The following TNR variants were observed in gnomAD, a reference collection of about 807,000 sequenced individuals.
TNR encodes tenascin R.
A neutral mutation model predicts 150.4 loss-of-function variants in TNR; 45 were observed. The ratio of observed to expected loss-of-function variants is 0.30; its 90% CI spans 0.24 to 0.38. TNR has a LOEUF of 0.38. TNR is among the 10% of genes least tolerant of loss of function. TNR has a pLI of 1.00. For missense variants in TNR, 1,544 were observed against 1,759.1 expected, an observed-to-expected ratio of 0.88 and a Z score of 2.19; for synonymous variants, 687 against 678.4, an observed-to-expected ratio of 1.01 and a Z score of -0.20.
chr1:175,621,845 A>C (rs1039927491), intron 1 of TNR, among the ~76,000 whole-genome samples: 4 of 152,224 alleles, frequency 2.6e-5, no homozygotes, highest in African/African-American at 7.2e-5. Flanking sequence ...TATAAGCACC[A>C]TAGAGGCAAG....
chr1:175,631,307 A>G (rs527647635), intron 1 of TNR, among the ~76,000 whole-genome samples: 10 of 152,248 alleles, frequency 6.6e-5, no homozygotes, highest in Non-Finnish European at 1.3e-4. Context: ...GAATTGTCAA[A>G]TACATTTTGA....
At chr1:175,357,016 T>C (rs2102007184) in intron 15 of TNR, among the ~76,000 whole-genome samples, 1 of 152,372 alleles carries the variant, frequency 6.6e-6, no homozygotes, top group African/African-American at 2.4e-5. Context: ...GTTTTGGGAA[T>C]GCCATGTGAT....
At chr1:175,630,105 C>T (rs191257402) in intron 1 of TNR, among the ~76,000 whole-genome samples, 1 of 152,242 alleles carries the variant, frequency 6.6e-6, no homozygotes, top group East Asian at 1.9e-4. Context: ...GAAGTGCAGG[C>T]CCAAGTCTAG....
chr1:175,623,509 C>G (rs1468150490), intron 1 of TNR, among the ~76,000 whole-genome samples: 2 of 152,118 alleles, frequency 1.3e-5, no homozygotes, highest in Non-Finnish European at 2.9e-5. Flanking sequence ...TGACCTGGTC[C>G]CTCCTTCTTT....
At position 175,367,331 on chromosome 1, in the gene TNR, T is replaced by C. The variant is rs141565879; in HGVS notation, c.1964-34A>G. The C allele has an allele frequency of 3.3e-4, 529 of 1,586,320 alleles. No homozygotes were observed. The African/African-American group carries it at 4.8e-3, about 14-fold the overall frequency. On this transcript the variant is annotated intron_variant, in intron 9 of 22. Coordinates refer to ENST00000367674, the MANE Select transcript of TNR (RefSeq NM_003285.3). ...GGATGGAGAAACAAACATTATTCTG[T>C]GTATGGGGCAGGGCTAGGAAGGCTG... is the stretch of plus-strand genomic sequence containing the variant.
chr1:175,417,841 C>G (rs1654568657), intron 2 of TNR, among the ~76,000 whole-genome samples: 1 of 152,112 alleles, frequency 6.6e-6, no homozygotes, highest in South Asian at 2.1e-4. Flanking sequence ...ATCCTTCCAG[C>G]AGGAAGCAAA....
At chr1:175,716,455 G>C (rs1667156877) in intron 1 of TNR, among the ~76,000 whole-genome samples, 1 of 152,164 alleles carries the variant, frequency 6.6e-6, no homozygotes, top group Admixed American at 6.5e-5. Flanking sequence ...TGGCTTGTAA[G>C]TTCCTGTGTA....
chr1:175,499,389 G>A (rs181798945), intron 2 of TNR, among the ~76,000 whole-genome samples: 163 of 152,292 alleles, frequency 1.1e-3, no homozygotes, highest in South Asian at 2.5e-3. Flanking sequence ...GGCTCTCCCT[G>A]CAAGGCTGAT....
At chr1:175,668,128 G>A (rs1399038000) in intron 1 of TNR, among the ~76,000 whole-genome samples, 1 of 152,294 alleles carries the variant, frequency 6.6e-6, no homozygotes, top group South Asian at 2.1e-4. Context: ...ATGAGCTTTA[G>A]TGGGAGCAGA....
rs572527837 is a variant in TNR, at chr1:175,680,393, G to C, written c.-165+62833C>G. 4.6e-5 allele frequency among the ~76,000 whole-genome samples: 7 copies of C among 152,268 alleles called. No individual in the cohort carries two copies. In the East Asian group the frequency reaches 1.4e-3, roughly 29 times the overall value. Reference sequence around the variant, plus strand: ...TGGGGCCACTAAAGGAACAAGAGAGGGAGACAAAAGAGAAGCATGGCAGAG... The same window carrying C: ...TGGGGCCACTAAAGGAACAAGAGAGCGAGACAAAAGAGAAGCATGGCAGAG... On this transcript the variant is annotated intron_variant, in intron 1 of 22. Transcript: ENST00000367674.
intron 9 of TNR, among the ~76,000 whole-genome samples, chr1:175,373,280 T>A (rs538120311): frequency 1.3e-5 from 2 of 152,160 alleles, no homozygotes; most frequent in Non-Finnish European, 2.9e-5. Flanking sequence ...GGGTCCCTCA[T>A]AGAGAAATTT....
At chr1:175,415,990 A>G (rs1214988801) in intron 2 of TNR, among the ~76,000 whole-genome samples, 1 of 152,114 alleles carries the variant, frequency 6.6e-6, no homozygotes, top group Non-Finnish European at 1.5e-5. Flanking sequence ...TTGTAACTTT[A>G]GCTTTTAAAT....
chr1:175,674,406 C>G (rs1290357270), intron 1 of TNR, among the ~76,000 whole-genome samples: 2 of 152,148 alleles, frequency 1.3e-5, no homozygotes, highest in Non-Finnish European at 2.9e-5. Context: ...CCATCAAAGT[C>G]CATTCTTTAT....
chr1:175,535,642 T>G (rs80115181), intron 1 of TNR, among the ~76,000 whole-genome samples: 3 of 151,382 alleles, frequency 2.0e-5, no homozygotes, highest in African/African-American at 7.3e-5. Flanking sequence ...TTTTTTTTTT[T>G]GGTATTTTTA....
chr1:175,572,735 C>T (rs1661932621), intron 1 of TNR, among the ~76,000 whole-genome samples: 1 of 150,700 alleles, frequency 6.6e-6, no homozygotes, highest in African/African-American at 2.5e-5. Context: ...TATATATATT[C>T]CAACATCTGA....
intron 4 of TNR, among the ~76,000 whole-genome samples, chr1:175,401,997 T>C (rs1246553480): frequency 1.3e-5 from 2 of 152,276 alleles, no homozygotes; most frequent in Admixed American, 6.5e-5. Context: ...ATAATAAACA[T>C]AATCTGATTT....
At chr1:175,354,544 A>G (rs888061830) in intron 17 of TNR, 21 bp from the exon 18 acceptor site, 1 of 1,613,628 alleles carries the variant, frequency 6.2e-7, no homozygotes, top group African/African-American at 1.3e-5. Context: ...AGCCAAAGGA[A>G]GGGTGGTGGA....
At chr1:175,479,719 C>T (rs956221849) in intron 2 of TNR, among the ~76,000 whole-genome samples, 2 of 152,078 alleles carry the variant, frequency 1.3e-5, no homozygotes, top group African/African-American at 4.8e-5. Flanking sequence ...GCAACTGAAT[C>T]CTCAATCTGA....
intron 1 of TNR, among the ~76,000 whole-genome samples, chr1:175,690,101 A>G (rs911350171): frequency 6.6e-6 from 1 of 152,218 alleles, no homozygotes; most frequent in Non-Finnish European, 1.5e-5. Context: ...TTACAAGTTC[A>G]TATAGGAAGA....
Sources: allele counts gnomAD v4.1 joint callset (sites outside exome capture counted in the v4.1 genomes callset), GRCh38; gene constraint gnomAD v4.1.1; transcripts MANE v1.5; gene names NCBI Gene and HGNC (gene_info 2026-07-23, HGNC 2026-07-21).